The following OR51B5 variants were observed in gnomAD, a reference collection of about 807,000 sequenced individuals.
OR51B5 encodes olfactory receptor family 51 subfamily B member 5, also known as olfactory receptor 51B5.
For missense variants in OR51B5, 456 were observed against 374.6 expected (o/e 1.22, Z -1.79); for synonymous variants, 186 against 144.8 (o/e 1.28, Z -2.04).
At chr11:5,424,532 A>C (rs1487486658) in intron 1 of OR51B5, among the ~76,000 whole-genome samples, 1 of 152,056 alleles carries the variant, frequency 6.6e-6, no homozygotes, top group Non-Finnish European at 1.5e-5. Flanking sequence ...CCCAGTACAC[A>C]GGTAGGCATT....
chr11:5,380,923 G>A (rs1445495892), intron 1 of OR51B5, among the ~76,000 whole-genome samples: 1 of 152,064 alleles, frequency 6.6e-6, no homozygotes, highest in Non-Finnish European at 1.5e-5. Context: ...CTATCCTTGG[G>A]CTGAATGCTC....
chr11:5,472,701 G>A (rs1012211109), intron 1 of OR51B5, among the ~76,000 whole-genome samples: 1 of 152,192 alleles, frequency 6.6e-6, no homozygotes, highest in South Asian at 2.1e-4. Context: ...AACATTTTCA[G>A]CTCCTCATTT....
At chr11:5,473,531 A>G (rs2133802763) in intron 1 of OR51B5, among the ~76,000 whole-genome samples, 1 of 152,334 alleles carries the variant, frequency 6.6e-6, no homozygotes, top group South Asian at 2.1e-4. Context: ...TGAAGAGTTA[A>G]TGTGAGAACA....
At chr11:5,425,597 T>C (rs1251017975) in intron 1 of OR51B5, among the ~76,000 whole-genome samples, 1 of 152,216 alleles carries the variant, frequency 6.6e-6, no homozygotes. Context: ...TAGATTTCAT[T>C]TTTGTAAATT....
intron 1 of OR51B5, among the ~76,000 whole-genome samples, chr11:5,360,794 T>C (rs1245874556): frequency 6.8e-6 from 1 of 148,094 alleles, no homozygotes; most frequent in Non-Finnish European, 1.5e-5. Context: ...ATATACACCA[T>C]GGAATACTAT....
chr11:5,452,789 T>C (rs1008372429), intron 1 of OR51B5, among the ~76,000 whole-genome samples: 1 of 152,234 alleles, frequency 6.6e-6, no homozygotes, highest in African/African-American at 2.4e-5. Flanking sequence ...AGTGTACCTA[T>C]AGAATATTTA....
downstream of OR51B5, chr11:5,341,279 T>C (rs954595820): frequency 6.6e-6 from 1 of 151,812 alleles, no homozygotes; most frequent in African/African-American, 2.4e-5. Flanking sequence ...GGCAAGAGGG[T>C]CAGTATTTGC....
downstream of OR51B5, chr11:5,340,546 G>GAGAT (rs1316298359): frequency 2.0e-5 from 3 of 151,888 alleles, no homozygotes; most frequent in Non-Finnish European, 2.9e-5. Context: ...TAGGAGTTTG[G>GAGAT]AGATACAATG....
intron 1 of OR51B5, among the ~76,000 whole-genome samples, chr11:5,438,011 C>T (rs1168436437): frequency 1.3e-5 from 2 of 151,148 alleles, no homozygotes; most frequent in Non-Finnish European, 1.5e-5. Context: ...ACACCTTCTA[C>T]TTTTCATTAT....
intron 1 of OR51B5, chr11:5,431,387 C>A: frequency 4.1e-6 from 1 of 241,338 alleles, no homozygotes. Flanking sequence ...AGACGCCCAC[C>A]TCAGTGACAG....
intron 1 of OR51B5, among the ~76,000 whole-genome samples, chr11:5,404,512 G>A (rs7483057): frequency 0.16 from 24,536 of 152,008 alleles, 2,460 homozygotes; most frequent in African/African-American, 0.29. Flanking sequence ...GGACCAATCA[G>A]CACTCTGTAA....
At chr11:5,448,886 T>C (rs1397962339) in intron 1 of OR51B5, among the ~76,000 whole-genome samples, 1 of 152,226 alleles carries the variant, frequency 6.6e-6, no homozygotes, top group Admixed American at 6.5e-5. Flanking sequence ...TATTTTATTA[T>C]CTGAATGTGA....
At chr11:5,469,737 T>C (rs1027627452) in intron 1 of OR51B5, among the ~76,000 whole-genome samples, 8 of 152,224 alleles carry the variant, frequency 5.3e-5, no homozygotes, top group Admixed American at 2.0e-4. Flanking sequence ...CTTTCTCTAA[T>C]GGTGAAAAAT....
At chr11:5,502,379 A>C (rs1335423690) in intron 1 of OR51B5, among the ~76,000 whole-genome samples, 2 of 152,120 alleles carry the variant, frequency 1.3e-5, no homozygotes, top group Admixed American at 1.3e-4. Context: ...TCCAGTCAAA[A>C]TCAGGATTCT....
chr11:5,476,055 C>T (rs1851300941), intron 1 of OR51B5, among the ~76,000 whole-genome samples: 1 of 152,198 alleles, frequency 6.6e-6, no homozygotes, highest in African/African-American at 2.4e-5. Context: ...GTGATTTACT[C>T]ACTTTTCTAC....
At chr11:5,383,792 G>GATAA (rs1278623593) in intron 1 of OR51B5, 2 of 152,154 alleles carry the variant, frequency 1.3e-5, no homozygotes, top group African/African-American at 4.8e-5. Flanking sequence ...TCTTTAGGAG[G>GATAA]ATAAATCCTT....
chr11:5,429,125 C>T (rs948628410), intron 1 of OR51B5, among the ~76,000 whole-genome samples: 5 of 152,146 alleles, frequency 3.3e-5, no homozygotes, highest in Admixed American at 1.3e-4. Flanking sequence ...CACATGACTA[C>T]CATTTTCCAC....
At chr11:5,477,297 C>G (rs1443849552) in intron 1 of OR51B5, among the ~76,000 whole-genome samples, 4 of 152,148 alleles carry the variant, frequency 2.6e-5, no homozygotes, top group African/African-American at 9.7e-5. Context: ...AAGAGAAACA[C>G]TTATCCCTTG....
chr11:5,412,986 C>G (rs934502249), intron 1 of OR51B5, among the ~76,000 whole-genome samples: 3 of 151,998 alleles, frequency 2.0e-5, no homozygotes, highest in Admixed American at 2.0e-4. Flanking sequence ...GGCAGACTGC[C>G]TCCTCAAGTG....
Sources: allele counts gnomAD v4.1 joint callset (sites outside exome capture counted in the v4.1 genomes callset), GRCh38; gene constraint gnomAD v4.1.1; transcripts MANE v1.5; gene names NCBI Gene and HGNC (gene_info 2026-07-23, HGNC 2026-07-21).